Variants in SPAG16 observed in about 807,000 individuals in gnomAD.
The protein encoded by SPAG16 is sperm-associated antigen 16 protein.
A neutral mutation model predicts 80.4 loss-of-function variants in SPAG16; 86 were observed. The ratio of observed to expected loss-of-function variants is 1.07; its 90% CI spans 0.90 to 1.28. The LOEUF is 1.28. Among genes scored for constraint, SPAG16 ranks in the 50% most tolerant of loss-of-function variants. The pLI, the probability that SPAG16 is intolerant of heterozygous loss-of-function variation, is 0.00. For synonymous variants in SPAG16, 294 were observed against 265.9 expected (o/e 1.11, Z -1.03); for missense variants, 870 against 765.3 (o/e 1.14, Z -1.61).
chr2:214,359,489 T>C (rs1699032900), intron 15 of SPAG16, among the ~76,000 whole-genome samples: 1 of 151,926 alleles, frequency 6.6e-6, no homozygotes, highest in East Asian at 1.9e-4. Flanking sequence ...GAATATTTTA[T>C]CAAACTGAAA....
At chr2:213,693,986 T>C (rs1053926093) in intron 10 of SPAG16, among the ~76,000 whole-genome samples, 1 of 151,220 alleles carries the variant, frequency 6.6e-6, no homozygotes, top group African/African-American at 2.4e-5. Context: ...ATTTATCATG[T>C]CAACTCTCCT....
intron 10 of SPAG16, among the ~76,000 whole-genome samples, chr2:213,564,023 A>G (rs1178636557): frequency 6.6e-6 from 1 of 152,212 alleles, no homozygotes; most frequent in Admixed American, 6.5e-5. Flanking sequence ...AGAAGATAAC[A>G]TCTACCTACA....
intron 13 of SPAG16, among the ~76,000 whole-genome samples, chr2:214,044,804 T>C (rs984610380): frequency 6.6e-6 from 1 of 152,196 alleles, no homozygotes; most frequent in Non-Finnish European, 1.5e-5. Context: ...AAAACTGGAC[T>C]GAACTCAGCT....
chr2:213,628,656 G>T (rs1030478758), intron 10 of SPAG16, among the ~76,000 whole-genome samples: 1 of 152,142 alleles, frequency 6.6e-6, no homozygotes, highest in African/African-American at 2.4e-5. Context: ...TGACTTGATT[G>T]CTTTGAAAAG....
At chr2:214,064,445 C>T (rs572032751) in intron 13 of SPAG16, among the ~76,000 whole-genome samples, 29 of 152,016 alleles carry the variant, frequency 1.9e-4, no homozygotes, top group Non-Finnish European at 3.8e-4. Context: ...TCTTGGAGGT[C>T]CCCTTTGTAA....
At chr2:213,853,612 G>A (rs749370386) in intron 10 of SPAG16, among the ~76,000 whole-genome samples, 3 of 152,106 alleles carry the variant, frequency 2.0e-5, no homozygotes, top group Non-Finnish European at 2.9e-5. Context: ...GTTCCTGTAC[G>A]ATTTTCACCC....
chr2:214,370,822 T>G (rs781187068), intron 15 of SPAG16, among the ~76,000 whole-genome samples: 2 of 152,174 alleles, frequency 1.3e-5, no homozygotes, highest in Non-Finnish European at 2.9e-5. Flanking sequence ...TATTGAAAAA[T>G]CTAACGTGTT....
chr2:214,250,954 A>C (rs1244500728), intron 15 of SPAG16, among the ~76,000 whole-genome samples: 1 of 151,580 alleles, frequency 6.6e-6, no homozygotes, highest in Non-Finnish European at 1.5e-5. Context: ...TTAAAAAAAT[A>C]GAAATTTAGC....
intron 9 of SPAG16, among the ~76,000 whole-genome samples, chr2:213,465,725 C>A (rs2072649272): frequency 1.3e-5 from 2 of 152,332 alleles, no homozygotes; most frequent in South Asian, 4.1e-4. Context: ...ACCAGCTAAG[C>A]TACCGCTGCA....
Position 213,661,253 on chromosome 2 carries a change from A to C in SPAG16, c.1070+171163A>C, listed in dbSNP as rs553003157. On this transcript the variant is annotated intron_variant, in intron 10 of 15. Coordinates refer to ENST00000331683, the MANE Select transcript of SPAG16 (RefSeq NM_024532.5). ...TAGAATATGCCTCCATAGACTTTAA[A>C]AGGAAGTATTCACAGTTGTTAGTAA... 6.6e-5 allele frequency among the ~76,000 whole-genome samples: 10 copies of C among 152,358 alleles called. No homozygotes were observed. The South Asian group carries it at 2.1e-3, about 32-fold the overall frequency.
intron 10 of SPAG16, among the ~76,000 whole-genome samples, chr2:213,554,099 T>C (rs1248073970): frequency 6.6e-6 from 1 of 152,108 alleles, no homozygotes; most frequent in African/African-American, 2.4e-5. Flanking sequence ...ACAAGACAGA[T>C]ACAGTTCCAG....
chr2:214,324,150 A>G (rs1696306788), intron 15 of SPAG16, among the ~76,000 whole-genome samples: 1 of 152,214 alleles, frequency 6.6e-6, no homozygotes, highest in South Asian at 2.1e-4. Context: ...GCTGCTTCAG[A>G]AAAATTAAAA....
chr2:213,415,931 G>A (rs949014170), intron 9 of SPAG16, among the ~76,000 whole-genome samples: 2 of 152,210 alleles, frequency 1.3e-5, no homozygotes, highest in Non-Finnish European at 2.9e-5. Flanking sequence ...TGAAGATGTT[G>A]AGGATGTAGA....
intron 15 of SPAG16, among the ~76,000 whole-genome samples, chr2:214,264,281 T>C (rs2125878688): frequency 6.6e-6 from 1 of 152,294 alleles, no homozygotes; most frequent in East Asian, 1.9e-4. Context: ...CTCTGTGGAC[T>C]CTAAGTGCTG....
At chr2:213,659,294 T>C (rs916239114) in intron 10 of SPAG16, among the ~76,000 whole-genome samples, 1 of 150,620 alleles carries the variant, frequency 6.6e-6, no homozygotes, top group African/African-American at 2.5e-5. Context: ...ACCAGTATTC[T>C]GATTCCACAG....
intron 13 of SPAG16, among the ~76,000 whole-genome samples, chr2:214,045,564 G>T (rs80010092): frequency 0.073 from 11,154 of 152,194 alleles, 551 homozygotes; most frequent in Non-Finnish European, 0.11. Context: ...CATCCCTGGG[G>T]GTTAGAGCAC....
In SPAG16 at chr2:213,761,262, G is replaced by C. The variant is rs192146526; in HGVS notation, c.1071-101223G>C. 1.8e-4 allele frequency among the ~76,000 whole-genome samples: 28 copies of C among 152,248 alleles called. No individual in the cohort carries two copies. The East Asian group carries it at 5.2e-3, about 28-fold the overall frequency. Reference sequence around the variant, plus strand: ...GAAAACAATATATCAAAACATATGGGATGAGGAAACAGTGCTAAGGGGGAA... The same window carrying C: ...GAAAACAATATATCAAAACATATGGCATGAGGAAACAGTGCTAAGGGGGAA... On this transcript the variant is annotated intron_variant, in intron 10 of 15. Coordinates refer to ENST00000331683, the MANE Select transcript of SPAG16 (RefSeq NM_024532.5).
chr2:214,108,479 A>ACCCC (rs1553719294), intron 14 of SPAG16, among the ~76,000 whole-genome samples: 52 of 52,410 alleles, frequency 9.9e-4, no homozygotes, highest in East Asian at 8.8e-3. Context: ...ACACACACAC[A>ACCCC]CCCCCACACA....
chr2:213,869,262 A>AAAAAAAAAAAAAAAAT (rs2075839214), intron 11 of SPAG16, among the ~76,000 whole-genome samples: 1 of 12,328 alleles, frequency 8.1e-5, no homozygotes, highest in Non-Finnish European at 1.4e-3. Context: ...TCAAAAAAAA[A>AAAAAAAAAAAAAAAAT]AAATATATAT....
Sources: gnomAD v4.1 joint callset for allele counts (sites outside exome capture counted in the v4.1 genomes callset) on GRCh38, gnomAD v4.1.1 for gene constraint, MANE v1.5 for transcripts, NCBI Gene and HGNC (gene_info 2026-07-23, HGNC 2026-07-21) for gene names.